Variants in AADAT observed in about 807,000 individuals in gnomAD.
AADAT encodes the protein aminoadipate aminotransferase.
A neutral mutation model predicts 56.2 loss-of-function variants in AADAT; 25 were observed. That is an observed-to-expected ratio of 0.44 (90% CI 0.32 to 0.62). AADAT has a LOEUF of 0.62. Ranked by LOEUF, AADAT falls within the 20% of genes least tolerant of loss-of-function variation. AADAT has a pLI of 0.04. For missense variants in AADAT, 387 were observed against 510.5 expected, an observed-to-expected ratio of 0.76 and a Z score of 2.33; for synonymous variants, 173 against 164.7, an observed-to-expected ratio of 1.05 and a Z score of -0.39.
Position 170,088,382 on chromosome 4 carries a change from G to T in AADAT, c.236+14C>A. 6.3e-7 allele frequency: 1 copy of T among 1,579,002 alleles called. No homozygotes were observed. ...AAATAAGCCAATAAAATTATGTTAA[G>T]TATTGATACTTACCCAGCACTCGGA... On this transcript the variant is annotated intron_variant, in intron 2 of 12. Transcript: ENST00000337664.
At chr4:170,086,668 T>C (rs1290041846) in intron 3 of AADAT, among the ~76,000 whole-genome samples, 2 of 152,240 alleles carry the variant, frequency 1.3e-5, no homozygotes, top group African/African-American at 4.8e-5. Context: ...CAGTGTTCAC[T>C]AAGCTTTTGG....
intron 3 of AADAT, among the ~76,000 whole-genome samples, chr4:170,083,361 T>G (rs1732407354): frequency 6.6e-6 from 1 of 152,004 alleles, no homozygotes; most frequent in Non-Finnish European, 1.5e-5. Flanking sequence ...TATACTAAAA[T>G]TTGTGGAAGA....
At chr4:170,087,634 T>C (rs1274817128) in intron 2 of AADAT, among the ~76,000 whole-genome samples, 1 of 152,190 alleles carries the variant, frequency 6.6e-6, no homozygotes, top group Non-Finnish European at 1.5e-5. Flanking sequence ...TCATGGAATG[T>C]TTGAATAAGC....
rs904606876 is a variant in AADAT, at chr4:170,060,354, C to T, written c.*574G>A. The T allele has an allele frequency of 1.3e-5, 2 of 152,054 alleles. No individual in the cohort carries two copies. Among genetic ancestry groups the T allele is most frequent in the African/African-American group, 4.8e-5 (2 of 41,400 alleles). 9.4% of individuals were successfully genotyped at this position (152,054 alleles called of 1,614,324 possible). A position where few individuals can be genotyped will look rare whatever the true frequency, so the allele number is the denominator to read the frequency against. The stretch of plus-strand genomic sequence containing the variant: ...TGCAATAAGCTCTCATTAAATTTTC[C>T]TAAAAGTAGAAAAAGTACACATTAT... On this transcript the variant is annotated 3_prime_UTR_variant, in exon 13 of 13. Transcript: ENST00000337664.
chr4:170,089,681 C>G lies in AADAT; in HGVS notation c.10G>C (p.Ala4Pro). The change falls in exon 1 of 13, where the codon GCA (alanine) becomes CCA (proline). Residue 4 changes from alanine (A) to proline (P), a missense_variant. Ala to Pro is a conservative substitution (Grantham distance 27, BLOSUM62 -1). Coordinates refer to ENST00000337664, the MANE Select transcript of AADAT (RefSeq NM_016228.4). MNYARFITAASAAR... is the reference protein window; with the variant it reads MNYPRFITAASAAR... ...GCGCTCGCTGCCGTGATGAACCGTG[C>G]GTAATTCATGTCTTCTGACAGCCAA... The G allele has an allele frequency of 6.2e-7, 1 of 1,614,144 alleles. No homozygotes were observed. Among genetic ancestry groups the G allele is most frequent in the Non-Finnish European group, 8.5e-7 (1 of 1,180,020 alleles).
At chr4:170,092,731 T>C (rs991350650), upstream of AADAT, among the ~76,000 whole-genome samples, 2 of 152,254 alleles carry the variant, frequency 1.3e-5, no homozygotes, top group African/African-American at 4.8e-5. Flanking sequence ...CTCGCAGGCA[T>C]GTTGACAGGA....
At chr4:170,089,494 C>G (rs1201054411) in intron 1 of AADAT, 130 bp downstream of exon 1, 11 of 990,128 alleles carry the variant, frequency 1.1e-5, no homozygotes, top group Non-Finnish European at 1.6e-5. Context: ...CACGCAGAGC[C>G]TGGCTCACCG....
intron 11 of AADAT, among the ~76,000 whole-genome samples, chr4:170,062,916 T>A (rs561720500): frequency 3.9e-5 from 6 of 152,316 alleles, no homozygotes; most frequent in South Asian, 4.1e-4. Flanking sequence ...GCAGGTCACA[T>A]CTTAGAATTA....
chr4:170,061,841 A>G lies in AADAT; in HGVS notation c.1236+51T>C, dbSNP rs368940133. On this transcript the variant is annotated intron_variant, in intron 12 of 12. Transcript: ENST00000337664. ...ATTCACAAAGTATACACGTGCATTA[A>G]AAAAACAGAACTGCTAGCTAGTGTT... 3.6e-6 allele frequency: 5 copies of G among 1,398,952 alleles called. No homozygotes were observed. In the Admixed American group the frequency reaches 6.1e-5, roughly 17 times the overall value. 86.7% of individuals were successfully genotyped at this position (1,398,952 alleles called of 1,614,324 possible).
intron 10 of AADAT, among the ~76,000 whole-genome samples, chr4:170,066,007 G>A (rs1409420908): frequency 1.3e-5 from 2 of 152,138 alleles, no homozygotes; most frequent in East Asian, 3.8e-4. Context: ...AGATAAATGA[G>A]GTTAATGATT....
chr4:170,064,837 A>G lies in AADAT; in HGVS notation c.1028-12T>C. 1 of 1,603,846 alleles carries G rather than the reference A, an allele frequency of 6.2e-7. No homozygotes were observed. On this transcript the variant is annotated splice_polypyrimidine_tract_variant and intron_variant, in intron 10 of 12. Transcript: ENST00000337664. ...CCATTCTGCCAAACCTACAAACAAAAGAAGAGAATAAATGTCTTCCAAAGG... is the reference window on the plus strand; with the variant it reads ...CCATTCTGCCAAACCTACAAACAAAGGAAGAGAATAAATGTCTTCCAAAGG...
At chr4:170,068,710 C>A (rs114038917) in intron 7 of AADAT, 23 bp from the exon 8 acceptor site, 4 of 1,452,682 alleles carry the variant, frequency 2.8e-6, no homozygotes, top group South Asian at 1.2e-5. Context: ...AGAAAAGGCA[C>A]GATACCAATT....
intron 4 of AADAT, 99 bp downstream of exon 4, chr4:170,078,410 T>C: frequency 1.6e-6 from 1 of 635,572 alleles, no homozygotes; most frequent in South Asian, 2.2e-5. Context: ...GTTAATAAGA[T>C]ATTAACTTTA....
rs756877635 is a variant in AADAT at position 170,087,215 on chromosome 4, T to C, written c.270A>G (p.Leu90=). 6.2e-7 allele frequency: 1 copy of C among 1,614,098 alleles called. No homozygotes were observed. Among genetic ancestry groups the C allele is most frequent in the South Asian group, 1.1e-5 (1 of 91,066 alleles). ...IPELLSWLKQ[L]QIKLHNPPTI... ...TAGGAGGATTATGCAATTTTATTTG[T>C]AACTGTTTTAGCCAGGACAAAAGCT... The change falls in exon 3 of 13, where the codon TTA becomes TTG. Residue 90 remains leucine (L), a synonymous_variant. Coordinates refer to ENST00000337664, the MANE Select transcript of AADAT (RefSeq NM_016228.4).
At chr4:170,069,256 G>A in intron 6 of AADAT, 26 bp from the exon 7 acceptor site, 1 of 1,588,176 alleles carries the variant, frequency 6.3e-7, no homozygotes, top group South Asian at 1.1e-5. Context: ...AAAAAATACT[G>A]TTGGTCTGAA....
At chr4:170,086,377 G>A (rs571694412) in intron 3 of AADAT, among the ~76,000 whole-genome samples, 1 of 151,916 alleles carries the variant, frequency 6.6e-6, no homozygotes, top group Non-Finnish European at 1.5e-5. Flanking sequence ...GAAGAAGATG[G>A]AATAACTAAT....
chr4:170,088,284 G>A, intron 2 of AADAT, 112 bp downstream of exon 2: 1 of 1,166,314 alleles, frequency 8.6e-7, no homozygotes. Flanking sequence ...AATGGCTTTA[G>A]AATATTTATG....
rs1732593445 is a variant in AADAT, at chr4:170,086,970, T to C, written c.369+146A>G. The C allele has an allele frequency of 5.9e-6, 7 of 1,187,394 alleles. No individual in the cohort carries two copies. In the East Asian group the frequency reaches 1.8e-4, roughly 30 times the overall value. 73.6% of individuals were successfully genotyped at this position (1,187,394 alleles called of 1,614,324 possible). On this transcript the variant is annotated intron_variant, in intron 3 of 12. Transcript: ENST00000337664. ...CACCCCCATCCTATGACTTGTCTTT[T>C]AGTTCCCTGTTTATAATTCTAGGTG...
At chr4:170,088,067 G>T (rs1304362547) in intron 2 of AADAT, among the ~76,000 whole-genome samples, 3 of 151,094 alleles carry the variant, frequency 2.0e-5, no homozygotes, top group Non-Finnish European at 4.4e-5. Context: ...CATTTTTTTG[G>T]ACTCAGCTCT....
Sources: allele counts gnomAD v4.1 joint callset (sites outside exome capture counted in the v4.1 genomes callset), GRCh38; gene constraint gnomAD v4.1.1; transcripts MANE v1.5; gene names NCBI Gene and HGNC (gene_info 2026-07-23, HGNC 2026-07-21).